The following CEP85L variants were observed in gnomAD, a reference collection of about 807,000 sequenced individuals.
The protein encoded by CEP85L is centrosomal protein of 85 kDa-like.
CEP85L carries 60 observed loss-of-function variants against 100.3 expected under a neutral mutation model. The observed-to-expected ratio is 0.60, with a 90% confidence interval of 0.49 to 0.74. The LOEUF is 0.74. Ranked by LOEUF, CEP85L falls within the 30% of genes least tolerant of loss-of-function variation. The probability of loss-of-function intolerance (pLI) is 0.00; values close to 1 mark genes in which losing one functional copy is unlikely to be tolerated. For missense variants in CEP85L, 973 were observed against 936.2 expected, an observed-to-expected ratio of 1.04 and a Z score of -0.51; for synonymous variants, 319 against 322.7, an observed-to-expected ratio of 0.99 and a Z score of 0.12.
At chr6:118,590,439 A>G (rs918615676) in intron 2 of CEP85L, among the ~76,000 whole-genome samples, 3 of 152,180 alleles carry the variant, frequency 2.0e-5, no homozygotes, top group African/African-American at 7.2e-5. Flanking sequence ...ACAAGTGCCT[A>G]GCATCATGGA....
chr6:118,517,027 C>G (rs181147638), intron 4 of CEP85L, among the ~76,000 whole-genome samples: 69,938 of 151,492 alleles, frequency 0.46, 16,559 homozygotes, highest in Middle Eastern at 0.56. Context: ...TGCTTGTTTT[C>G]ATCAGGTTTG....
chr6:118,653,386 CTAAG>C (rs1220118846), upstream of CEP85L, among the ~76,000 whole-genome samples: 6 of 152,146 alleles, frequency 3.9e-5, no homozygotes, highest in Non-Finnish European at 7.4e-5. Context: ...AATTGAAATA[CTAAG>C]TGAGAATATT....
chr6:118,678,730 G>A (rs984205161), intron 1 of CEP85L, among the ~76,000 whole-genome samples: 6 of 152,162 alleles, frequency 3.9e-5, no homozygotes, highest in Non-Finnish European at 8.8e-5. Flanking sequence ...TCAAGAGATC[G>A]AGACCATCCT....
chr6:118,550,664 C>T (rs1778488849), intron 3 of CEP85L, among the ~76,000 whole-genome samples: 1 of 151,852 alleles, frequency 6.6e-6, no homozygotes, highest in Non-Finnish European at 1.5e-5. Flanking sequence ...GGTTTTGTCA[C>T]TAAGCCACAT....
intron 2 of CEP85L, among the ~76,000 whole-genome samples, chr6:118,590,318 A>G (rs1781113716): frequency 6.6e-6 from 1 of 152,178 alleles, no homozygotes; most frequent in Non-Finnish European, 1.5e-5. Flanking sequence ...TTTATTGCCT[A>G]GCAGAAAAAC....
intron 2 of CEP85L, among the ~76,000 whole-genome samples, chr6:118,566,609 G>A (rs1259310055): frequency 6.6e-6 from 1 of 152,058 alleles, no homozygotes; most frequent in Non-Finnish European, 1.5e-5. Context: ...AGTAGAGACG[G>A]GGCTTTGCCA....
In CEP85L at chr6:118,464,815, A is replaced by G. The variant is rs1269941063; in HGVS notation, c.*590T>C. ...TCAGCTCAACCACAAACATCCTATCAGTGCAGTAAGTGTTCAAAATATAAA... is the reference window on the plus strand; with the variant it reads ...TCAGCTCAACCACAAACATCCTATCGGTGCAGTAAGTGTTCAAAATATAAA... On this transcript the variant is annotated 3_prime_UTR_variant, in exon 13 of 13. Coordinates refer to ENST00000368491, the MANE Select transcript of CEP85L (RefSeq NM_001042475.3). The G allele has an allele frequency of 6.6e-6, 1 of 152,030 alleles. No individual in the cohort carries two copies. The highest frequency in any genetic ancestry group is 1.9e-4 in the East Asian group (1 of 5,194). 9.4% of individuals were successfully genotyped at this position (152,030 alleles called of 1,614,324 possible).
intron 1 of CEP85L, among the ~76,000 whole-genome samples, chr6:118,646,623 C>T (rs62422233): frequency 6.6e-6 from 1 of 150,556 alleles, no homozygotes; most frequent in East Asian, 2.0e-4. Flanking sequence ...GAGCCGAGAT[C>T]GCACTCCAGC....
chr6:118,488,933 T>C (rs1038926212), intron 6 of CEP85L, among the ~76,000 whole-genome samples: 2 of 152,106 alleles, frequency 1.3e-5, no homozygotes, highest in Non-Finnish European at 2.9e-5. Flanking sequence ...ATGGGGGTAA[T>C]TGTCAACCCA....
In CEP85L at chr6:118,469,209, A is replaced by G; in HGVS notation, c.2117T>C (p.Leu706Pro). 1.2e-6 allele frequency: 2 copies of G among 1,614,082 alleles called. No homozygotes were observed. The highest frequency in any genetic ancestry group is 2.7e-5 in the African/African-American group (2 of 75,034). ...CTGATCAATCACAGTCAAATCAAAT[A>G]GTGGCCGTTTGGAAAGAACTGTCTG... ...RQQTVLSKRP[L>P]FDLTVIDQLF... The change falls in exon 12 of 13, where the codon CTA becomes CCA. Residue 706 changes from leucine (L) to proline (P), a missense_variant. By Grantham distance (98) the Leu-to-Pro change is moderately conservative (BLOSUM62 -3). Coordinates refer to ENST00000368491, the MANE Select transcript of CEP85L (RefSeq NM_001042475.3).
chr6:118,600,299 GGGTGTGTGTGTGTGTGTGTGTGTGTGT>G (rs1781678487), intron 2 of CEP85L, among the ~76,000 whole-genome samples: 6 of 89,012 alleles, frequency 6.7e-5, no homozygotes, highest in African/African-American at 2.2e-4. Flanking sequence ...GCCTTCCTGG[GGGTGTGTGTGTGTGTGTGTGTGTGTGT>G]GTGTGTGTGT....
At position 118,460,952 on chromosome 6, in the gene CEP85L, C is replaced by T. The variant is rs1772200256; in HGVS notation, c.*4453G>A. The T allele has an allele frequency of 2.0e-5, 3 of 151,018 alleles. No individual in the cohort carries two copies. The highest frequency in any genetic ancestry group is 2.0e-4 in the Admixed American group (3 of 15,152). The allele number at this position is 151,018 out of a possible 1,614,324, so 9.4% of individuals were successfully genotyped here. A position where few individuals can be genotyped will look rare whatever the true frequency, so the allele number is the denominator to read the frequency against. On this transcript the variant is annotated 3_prime_UTR_variant, in exon 13 of 13. Coordinates refer to ENST00000368491, the MANE Select transcript of CEP85L (RefSeq NM_001042475.3). ...AAAAAACAGAACAACAAGAAGAAAA[C>T]CCCTTTACAAAAAAAGAGGCAAGAA...
chr6:118,569,486 TAAATAAAAATAAAA>T (rs1353543309), intron 2 of CEP85L, among the ~76,000 whole-genome samples: 3 of 143,944 alleles, frequency 2.1e-5, no homozygotes, highest in African/African-American at 7.7e-5. Flanking sequence ...AAAAAATAAA[TAAATAAAAATAAAA>T]AAATAAAAAA....
At chr6:118,600,296 T>TGGGGGGGGGGG (rs1554228034) in intron 2 of CEP85L, among the ~76,000 whole-genome samples, 2 of 34,174 alleles carry the variant, frequency 5.9e-5, no homozygotes, top group Admixed American at 3.8e-4. Context: ...TGAGCCTTCC[T>TGGGGGGGGGGG]GGGGGTGTGT....
At chr6:118,633,667 T>C (rs1774315347) in intron 1 of CEP85L, among the ~76,000 whole-genome samples, 1 of 152,188 alleles carries the variant, frequency 6.6e-6, no homozygotes, top group South Asian at 2.1e-4. Context: ...TCAAAGGATA[T>C]CAATGGACCA....
intron 1 of CEP85L, among the ~76,000 whole-genome samples, chr6:118,709,063 G>A (rs981851701): frequency 2.6e-5 from 4 of 152,032 alleles, no homozygotes; most frequent in South Asian, 4.2e-4. Flanking sequence ...AACAGATCTC[G>A]GAAAGGGACT....
At chr6:118,619,064 G>A (rs1038642740) in intron 2 of CEP85L, among the ~76,000 whole-genome samples, 3 of 151,500 alleles carry the variant, frequency 2.0e-5, no homozygotes, top group East Asian at 1.9e-4. Context: ...CATGCGCTCC[G>A]AGCACAATTG....
intron 3 of CEP85L, among the ~76,000 whole-genome samples, chr6:118,563,772 G>A (rs1779352745): frequency 6.6e-6 from 1 of 152,094 alleles, no homozygotes; most frequent in African/African-American, 2.4e-5. Flanking sequence ...TTTCAAAGAG[G>A]CTTTTAAGAA....
intron 1 of CEP85L, among the ~76,000 whole-genome samples, chr6:118,663,064 G>A (rs1776026016): frequency 6.6e-6 from 1 of 151,648 alleles, no homozygotes; most frequent in Non-Finnish European, 1.5e-5. Flanking sequence ...AAAAAAAGCA[G>A]TGAACTAAAG....
Sources: allele counts gnomAD v4.1 joint callset (sites outside exome capture counted in the v4.1 genomes callset), GRCh38; gene constraint gnomAD v4.1.1; transcripts MANE v1.5; gene names NCBI Gene and HGNC (gene_info 2026-07-23, HGNC 2026-07-21).